Variants in FAR1 observed in about 807,000 individuals in gnomAD.
FAR1 encodes the protein male sterility domain-containing protein 2.
FAR1 carries 22 observed loss-of-function variants against 61.1 expected under a neutral mutation model. The observed-to-expected ratio is 0.36, with a 90% CI of 0.26 to 0.51. The LOEUF (loss-of-function observed/expected upper bound fraction) is 0.51. FAR1 is among the 20% of genes least tolerant of loss of function. The pLI is 0.95. For missense variants in FAR1, 359 were observed against 626.9 expected, an observed-to-expected ratio of 0.57 and a Z score of 4.56; for synonymous variants, 206 against 209.7, an observed-to-expected ratio of 0.98 and a Z score of 0.15.
intron 9 of FAR1, chr11:13,720,701 C>T (rs1848601324): frequency 6.6e-6 from 1 of 151,866 alleles, no homozygotes; most frequent in Non-Finnish European, 1.5e-5. Context: ...CCTCCCATTT[C>T]TAAAACCCCT....
Position 13,726,697 on chromosome 11 carries a change from G to T in FAR1, c.1258-859G>T, listed in dbSNP as rs191983633. ...TTTCTTATTTTTGGAAAATTTCCAG[G>T]CATTGTCTTCTCAGATACTGCTTCT... On this transcript the variant is annotated intron_variant, in intron 10 of 11. Transcript: ENST00000354817. Among the ~76,000 whole-genome samples the T allele has an allele frequency of 4.3e-3, 643 of 150,988 alleles. 7 individuals are homozygous for T. Among genetic ancestry groups the T allele is most frequent in the Non-Finnish European group, 4.5e-3 (307 of 67,644 alleles).
intron 10 of FAR1, among the ~76,000 whole-genome samples, chr11:13,725,376 T>A (rs1184171973): frequency 6.6e-6 from 1 of 151,582 alleles, no homozygotes; most frequent in Non-Finnish European, 1.5e-5. Context: ...TTAGGTGATA[T>A]ATAGTGGTAT....
chr11:13,704,767 C>T (rs1848415558), intron 3 of FAR1, among the ~76,000 whole-genome samples: 1 of 152,098 alleles, frequency 6.6e-6, no homozygotes, highest in African/African-American at 2.4e-5. Flanking sequence ...GATAAGATCT[C>T]ATCTAGACAG....
At chr11:13,676,944 C>A (rs1487996308) in intron 1 of FAR1, among the ~76,000 whole-genome samples, 1 of 152,098 alleles carries the variant, frequency 6.6e-6, no homozygotes, top group Non-Finnish European at 1.5e-5. Context: ...AGTGATCTGG[C>A]CTCTCCTTCA....
chr11:13,708,466 CACACACACACATACAT>C (rs1478263175), intron 4 of FAR1, among the ~76,000 whole-genome samples: 1 of 148,280 alleles, frequency 6.7e-6, no homozygotes, highest in Admixed American at 6.7e-5. Context: ...CACACACACA[CACACACACACATACAT>C]TTATCTCTTT....
chr11:13,704,044 CAAAAA>C (rs55995847), intron 3 of FAR1, among the ~76,000 whole-genome samples: 7 of 79,630 alleles, frequency 8.8e-5, no homozygotes, highest in East Asian at 4.1e-4. Context: ...AACTCCGTCT[CAAAAA>C]AAAAAAAAAA....
At chr11:13,681,295 G>A (rs1848123930) in intron 1 of FAR1, among the ~76,000 whole-genome samples, 1 of 152,174 alleles carries the variant, frequency 6.6e-6, no homozygotes, top group Non-Finnish European at 1.5e-5. Flanking sequence ...TGTGAAATAG[G>A]TCCAACATGG....
intron 8 of FAR1, among the ~76,000 whole-genome samples, chr11:13,713,552 A>G (rs1460022744): frequency 1.3e-5 from 2 of 152,184 alleles, no homozygotes; most frequent in South Asian, 2.1e-4. Flanking sequence ...TTCTATAGGA[A>G]TAGCATAACT....
In FAR1 at chr11:13,707,750, A is replaced by C. The variant is rs535618976; in HGVS notation, c.366-150A>C. 6.4e-6 allele frequency: 3 copies of C among 469,086 alleles called. No homozygotes were observed. The Admixed American group carries it at 1.3e-4, about 20-fold the overall frequency. 29.1% of individuals were successfully genotyped at this position (469,086 alleles called of 1,614,324 possible). A position where few individuals can be genotyped will look rare whatever the true frequency, so the allele number is the denominator to read the frequency against. On this transcript the variant is annotated intron_variant, in intron 3 of 11. Transcript: ENST00000354817. The stretch of plus-strand genomic sequence containing the variant: ...ACAGCTGATAAACATTTAATATGGA[A>C]ATAAAATACACAAAATCACAGCTAA...
At chr11:13,698,369 C>G (rs1211416740) in intron 2 of FAR1, among the ~76,000 whole-genome samples, 1 of 152,108 alleles carries the variant, frequency 6.6e-6, no homozygotes, top group Non-Finnish European at 1.5e-5. Context: ...CAGTCATAAG[C>G]CAAAATGACT....
At chr11:13,689,939 G>A (rs1848230605) in intron 1 of FAR1, among the ~76,000 whole-genome samples, 2 of 148,208 alleles carry the variant, frequency 1.3e-5, no homozygotes, top group Non-Finnish European at 1.5e-5. Flanking sequence ...GCAGTGGCAC[G>A]GTCTTGGCTC....
intron 2 of FAR1, among the ~76,000 whole-genome samples, chr11:13,695,736 A>G (rs1487134561): frequency 6.6e-6 from 1 of 152,210 alleles, no homozygotes; most frequent in African/African-American, 2.4e-5. Flanking sequence ...CTGAAACTGT[A>G]GCAAGCCTCT....
chr11:13,700,606 A>G (rs190638964), intron 3 of FAR1, 114 bp downstream of exon 3: 4 of 626,396 alleles, frequency 6.4e-6, no homozygotes, highest in South Asian at 3.9e-5. Context: ...CTATTTGCCT[A>G]TGTTAACTGT....
chr11:13,723,408 ATATTCTGTCTTACATTTT>A (rs1403182330), intron 10 of FAR1: 17 of 404,526 alleles, frequency 4.2e-5, no homozygotes, highest in Non-Finnish European at 8.1e-5. Context: ...TTTTTTATTT[ATATTCTGTCTTACATTTT>A]TGCTGTTGAA....
rs1847990952 is a variant in FAR1, at chr11:13,670,704, T to A, written c.-8+1898T>A. Among the ~76,000 whole-genome samples the A allele has an allele frequency of 4.0e-5, 6 of 150,998 alleles. No individual in the cohort carries two copies. In the South Asian group the frequency reaches 1.3e-3, roughly 32 times the overall value. ...CCTTGTGAAGAATTTTGTAGCTAAG[T>A]AGCTTGAGGGTTTTTTTTTTTTTTT... On this transcript the variant is annotated intron_variant, in intron 1 of 11. Transcript: ENST00000354817.
intron 1 of FAR1, among the ~76,000 whole-genome samples, chr11:13,683,778 A>G (rs147684629): frequency 3.5e-4 from 54 of 152,318 alleles, no homozygotes; most frequent in Middle Eastern, 3.4e-3. Flanking sequence ...ACTTCCAGGT[A>G]TAGCTATAGG....
intron 1 of FAR1, among the ~76,000 whole-genome samples, chr11:13,675,206 GCTACT>G (rs1848053558): frequency 6.6e-6 from 1 of 152,106 alleles, no homozygotes; most frequent in South Asian, 2.1e-4. Context: ...GATATAGTAA[GCTACT>G]GTAGGGCAGG....
chr11:13,714,774 T>C, intron 9 of FAR1, 94 bp downstream of exon 9: 1 of 1,186,916 alleles, frequency 8.4e-7, no homozygotes, highest in East Asian at 2.6e-5. Flanking sequence ...TTTATGCTTA[T>C]GATAAGGCTT....
At chr11:13,704,968 T>G (rs1848417447) in intron 3 of FAR1, among the ~76,000 whole-genome samples, 1 of 152,188 alleles carries the variant, frequency 6.6e-6, no homozygotes, top group Admixed American at 6.6e-5. Context: ...GTTTAAGGTC[T>G]TTAGAAGTAT....
Sources: gnomAD v4.1 joint callset for allele counts (sites outside exome capture counted in the v4.1 genomes callset) on GRCh38, gnomAD v4.1.1 for gene constraint, MANE v1.5 for transcripts, NCBI Gene and HGNC (gene_info 2026-07-23, HGNC 2026-07-21) for gene names.